The following CSTPP1 variants were observed in gnomAD, a reference collection of about 807,000 sequenced individuals.
CSTPP1 encodes the protein UPF0705 protein C11orf49.
chr11:47,009,558 AG>A, the CSTPP1 span, among the ~76,000 whole-genome samples: 1 of 152,220 alleles, frequency 6.6e-6, no homozygotes, highest in Non-Finnish European at 1.5e-5. Context: ...GCACTTTGGG[AG>A]GCCAAGGCGG....
the CSTPP1 span, among the ~76,000 whole-genome samples, chr11:47,028,797 G>GCTTT: frequency 6.6e-6 from 1 of 152,104 alleles, no homozygotes; most frequent in Non-Finnish European, 1.5e-5. Flanking sequence ...GGGATTGTTA[G>GCTTT]GTCAGGAGAC....
the CSTPP1 span, among the ~76,000 whole-genome samples, chr11:47,162,916 T>C: frequency 1.3e-4 from 20 of 152,070 alleles, no homozygotes; most frequent in Non-Finnish European, 2.6e-4. Context: ...CAGTGGCTCA[T>C]TGCCTGTAAT....
the CSTPP1 span, chr11:47,137,596 T>C: frequency 6.2e-7 from 1 of 1,613,550 alleles, no homozygotes; most frequent in South Asian, 1.1e-5. Flanking sequence ...AAGAGGGCAG[T>C]GACTTGAAAT....
chr11:47,163,982 A>C, the CSTPP1 span: 1 of 1,254,934 alleles, frequency 8.0e-7, no homozygotes, highest in East Asian at 2.5e-5. Flanking sequence ...ACCCATCCCC[A>C]GTCAAGCCTA....
the CSTPP1 span, among the ~76,000 whole-genome samples, chr11:47,114,005 A>G: frequency 6.6e-6 from 1 of 152,194 alleles, no homozygotes. Context: ...TCTTTAATCC[A>G]TCTTGAATTA....
At chr11:47,163,675 C>T in the CSTPP1 span, among the ~76,000 whole-genome samples, 1 of 152,154 alleles carries the variant, frequency 6.6e-6, no homozygotes, top group African/African-American at 2.4e-5. Flanking sequence ...CAGGGTCTCA[C>T]TTTATCACCC....
the CSTPP1 span, chr11:47,158,019 T>C: frequency 9.2e-7 from 1 of 1,090,824 alleles, no homozygotes; most frequent in Non-Finnish European, 1.4e-6. Context: ...GGAAGGGGCA[T>C]CACCATCTCT....
the CSTPP1 span, among the ~76,000 whole-genome samples, chr11:47,158,568 G>A: frequency 6.6e-6 from 1 of 152,040 alleles, no homozygotes; most frequent in Non-Finnish European, 1.5e-5. Flanking sequence ...ACAGAGTCTC[G>A]CTCTGTTGCC....
chr11:47,150,747 T>C, the CSTPP1 span, among the ~76,000 whole-genome samples: 1 of 150,700 alleles, frequency 6.6e-6, no homozygotes, highest in Non-Finnish European at 1.5e-5. Flanking sequence ...TAAGGACAGC[T>C]TCAGGGAGGA....
At chr11:46,940,755 T>C in the CSTPP1 span, among the ~76,000 whole-genome samples, 3 of 152,204 alleles carry the variant, frequency 2.0e-5, no homozygotes, top group African/African-American at 7.2e-5. Context: ...ATTTTGTATC[T>C]AATGAATAAC....
At chr11:47,138,840 A>T in the CSTPP1 span, among the ~76,000 whole-genome samples, 1 of 152,042 alleles carries the variant, frequency 6.6e-6, no homozygotes, top group Non-Finnish European at 1.5e-5. Flanking sequence ...TTAACCAGGC[A>T]CGGTTGCGCT....
chr11:47,035,495 AAC>A, the CSTPP1 span, among the ~76,000 whole-genome samples: 1 of 152,262 alleles, frequency 6.6e-6, no homozygotes, highest in Non-Finnish European at 1.5e-5. Context: ...AGATACTTGC[AAC>A]ACTTGTGCTC....
the CSTPP1 span, among the ~76,000 whole-genome samples, chr11:47,010,495 C>T: frequency 4.4e-4 from 67 of 152,148 alleles, no homozygotes; most frequent in Non-Finnish European, 6.6e-4. Context: ...TCCTGATGCT[C>T]AGCCTCCAAA....
At chr11:47,111,448 T>A in the CSTPP1 span, among the ~76,000 whole-genome samples, 2 of 152,164 alleles carry the variant, frequency 1.3e-5, no homozygotes, top group Admixed American at 1.3e-4. Flanking sequence ...TGCATTGATA[T>A]CAGAATGAGT....
At chr11:47,063,013 T>C in the CSTPP1 span, among the ~76,000 whole-genome samples, 1 of 152,212 alleles carries the variant, frequency 6.6e-6, no homozygotes, top group Admixed American at 6.5e-5. Context: ...TGCGCGTCTG[T>C]AGGCATTGGA....
chr11:47,102,498 T>A, the CSTPP1 span, among the ~76,000 whole-genome samples: 1 of 151,626 alleles, frequency 6.6e-6, no homozygotes, highest in Non-Finnish European at 1.5e-5. Context: ...AAAAAAAAAA[T>A]TAGATATTAT....
the CSTPP1 span, among the ~76,000 whole-genome samples, chr11:47,104,977 G>T: frequency 6.6e-6 from 1 of 152,234 alleles, no homozygotes; most frequent in South Asian, 2.1e-4. Flanking sequence ...AGGTCAACCT[G>T]CAGTTCCCAA....
At chr11:46,938,449 T>C in the CSTPP1 span, among the ~76,000 whole-genome samples, 1 of 151,054 alleles carries the variant, frequency 6.6e-6, no homozygotes. Flanking sequence ...TTTTGATAAA[T>C]GCATGTCATG....
the CSTPP1 span, chr11:47,162,359 G>A: frequency 6.6e-6 from 4 of 603,222 alleles, no homozygotes; most frequent in Non-Finnish European, 8.3e-6. Context: ...TCAGACCTGG[G>A]GACCTGCCTC....
Sources: gnomAD v4.1 joint callset for allele counts (sites outside exome capture counted in the v4.1 genomes callset) on GRCh38, gnomAD v4.1.1 for gene constraint, MANE v1.5 for transcripts, NCBI Gene and HGNC (gene_info 2026-07-23, HGNC 2026-07-21) for gene names.